The following CALB1 variants were observed in gnomAD, a reference collection of about 807,000 sequenced individuals.
CALB1 encodes the protein calbindin.
A neutral mutation model predicts 46.7 loss-of-function variants in CALB1; 16 were observed. The observed-to-expected ratio is 0.34, with a 90% CI of 0.23 to 0.52. The LOEUF (loss-of-function observed/expected upper bound fraction) is 0.52, where lower values mean the gene tolerates loss of function less well. Among genes scored for constraint, CALB1 ranks in the 20% least tolerant of loss-of-function variants. CALB1 has a pLI of 0.95. For synonymous variants in CALB1, 90 were observed against 112.8 expected, an observed-to-expected ratio of 0.80 and a Z score of 1.28; for missense variants, 224 against 300.3, an observed-to-expected ratio of 0.75 and a Z score of 1.88.
At position 90,082,817 on chromosome 8, in the gene CALB1, G is replaced by T. The variant is rs1278437233; in HGVS notation, c.-120C>A. 3 of 825,184 alleles carry T rather than the reference G, an allele frequency of 3.6e-6. No individual in the cohort carries two copies. Among genetic ancestry groups the T allele is most frequent in the African/African-American group, 3.4e-5 (2 of 59,500 alleles). 51.1% of individuals were successfully genotyped at this position (825,184 alleles called of 1,614,324 possible). On this transcript the variant is annotated 5_prime_UTR_variant, in exon 1 of 11. Coordinates refer to ENST00000265431, the MANE Select transcript of CALB1 (RefSeq NM_004929.4). ...GGGCTGCGGAGGGAGACCTGGGCGC[G>T]GGCGCTGCCGGGCGCTGTCCTCGGT...
intron 3 of CALB1, among the ~76,000 whole-genome samples, chr8:90,070,837 A>AGTGTGTGTGTGTGT (rs35368479): frequency 1.2e-4 from 15 of 121,622 alleles, no homozygotes; most frequent in African/African-American, 4.5e-4. Flanking sequence ...GCATCATTGC[A>AGTGTGTGTGTGTGT]GTGTGTGTGT....
intron 3 of CALB1, among the ~76,000 whole-genome samples, chr8:90,069,860 G>A (rs1387830764): frequency 6.6e-6 from 1 of 152,164 alleles, no homozygotes; most frequent in African/African-American, 2.4e-5. Context: ...GTTGCTTTCT[G>A]CTGAAAGGAC....
Position 90,082,608 on chromosome 8 carries a change from A to G in CALB1, c.79+11T>C. On this transcript the variant is annotated intron_variant, in intron 1 of 10. Transcript: ENST00000265431. ...CGGGTCTTGAAACAGTTAAAAAGAG[A>G]AGATAATCACCGTCAGCGTCGAAAT... is the stretch of plus-strand genomic sequence containing the variant. The G allele has an allele frequency of 6.2e-7, 1 of 1,610,908 alleles. No individual in the cohort carries two copies.
At position 90,060,478 on chromosome 8, in the gene CALB1, T is replaced by A. The variant is rs982719425; in HGVS notation, c.672+151A>T. The A allele has an allele frequency of 5.3e-6, 4 of 752,774 alleles. No homozygotes were observed. The African/African-American group carries it at 7.0e-5, about 13-fold the overall frequency. 46.6% of individuals were successfully genotyped at this position (752,774 alleles called of 1,614,324 possible). On this transcript the variant is annotated intron_variant, in intron 10 of 10. Coordinates refer to ENST00000265431, the MANE Select transcript of CALB1 (RefSeq NM_004929.4). ...ATCTATTTATCACAGTTACCCTGAT[T>A]TAGGCCAGAACCAAATTGAGTTAAG...
chr8:90,062,791 A>T (rs1814327084), intron 9 of CALB1: 1 of 211,760 alleles, frequency 4.7e-6, no homozygotes, highest in Non-Finnish European at 9.4e-6. Context: ...TTAAAAATAG[A>T]ACTGCATATG....
rs757416556 is a variant in CALB1 at position 90,065,988 on chromosome 8, A to G, written c.373-13T>C. 15 of 1,522,128 alleles carry G rather than the reference A, an allele frequency of 9.9e-6. No homozygotes were observed. The highest frequency in any genetic ancestry group is 1.3e-5 in the Non-Finnish European group (14 of 1,097,544). The allele number at this position is 1,522,128 out of a possible 1,614,324, so 94.3% of individuals were successfully genotyped here. A position where few individuals can be genotyped will look rare whatever the true frequency, so the allele number is the denominator to read the frequency against. On this transcript the variant is annotated splice_polypyrimidine_tract_variant and intron_variant, in intron 5 of 10. Transcript: ENST00000265431. ...CCTTTAGAAAGTTCTGTTAAAACAA[A>G]GAACACTTAGATTAATTTCATTAAT...
At chr8:90,061,012 T>G (rs1262798399) in intron 9 of CALB1, 1 of 282,498 alleles carries the variant, frequency 3.5e-6, no homozygotes, top group Non-Finnish European at 6.7e-6. Context: ...GAGGAAGGTA[T>G]GTGGCTCTAT....
At position 90,082,853 on chromosome 8, in the gene CALB1, T is replaced by A; in HGVS notation, c.-156A>T. 1.5e-6 allele frequency: 1 copy of A among 677,838 alleles called. No homozygotes were observed. The highest frequency in any genetic ancestry group is 2.7e-6 in the Non-Finnish European group (1 of 370,676). The allele number at this position is 677,838 out of a possible 1,614,324, so 42.0% of individuals were successfully genotyped here. A position where few individuals can be genotyped will look rare whatever the true frequency, so the allele number is the denominator to read the frequency against. On this transcript the variant is annotated 5_prime_UTR_variant, in exon 1 of 11. Coordinates refer to ENST00000265431, the MANE Select transcript of CALB1 (RefSeq NM_004929.4). ...GGCGCTGTCCTCGGTGCTGCTCAGC[T>A]CAGCGTTCCTCCAGAGTTCTCTCCC...
At position 90,059,650 on chromosome 8, in the gene CALB1, CTG is replaced by C. The variant is rs1814259248; in HGVS notation, c.*521_*522del. 6.5e-6 allele frequency: 1 copy of C among 152,910 alleles called. No individual in the cohort carries two copies. The highest frequency in any genetic ancestry group is 6.5e-5 in the Admixed American group (1 of 15,348). 9.5% of individuals were successfully genotyped at this position (152,910 alleles called of 1,614,324 possible). A position where few individuals can be genotyped will look rare whatever the true frequency, so the allele number is the denominator to read the frequency against. On this transcript the variant is annotated 3_prime_UTR_variant, in exon 11 of 11. Transcript: ENST00000265431. ...TTGGTAAACTAAATCTGTAATGAGA[CTG>C]TTAACTTCATAAAGCCACAATTAAC...
intron 5 of CALB1, among the ~76,000 whole-genome samples, chr8:90,066,519 A>G (rs1356033838): frequency 6.6e-6 from 1 of 152,044 alleles, no homozygotes; most frequent in African/African-American, 2.4e-5. Flanking sequence ...GGTAGTTTTT[A>G]GCCTAATGCA....
rs980216461 is a variant in CALB1 at position 90,059,016 on chromosome 8, G to A, written c.*1157C>T. ...ACAAATATGTGAAACTGACTTAGAT[G>A]TATGTTAAAGAATGTTTTAGAATCT... is the stretch of plus-strand genomic sequence containing the variant. On this transcript the variant is annotated 3_prime_UTR_variant, in exon 11 of 11. Transcript: ENST00000265431. 3 of 152,166 alleles carry A rather than the reference G, an allele frequency of 2.0e-5. No individual in the cohort carries two copies. Among genetic ancestry groups the A allele is most frequent in the African/African-American group, 7.2e-5 (3 of 41,450 alleles). The allele number at this position is 152,166 out of a possible 1,614,324, so 9.4% of individuals were successfully genotyped here.
Position 90,082,088 on chromosome 8 carries a change from C to G in CALB1, c.94G>C (p.Glu32Gln). The G allele has an allele frequency of 6.2e-7, 1 of 1,613,964 alleles. No homozygotes were observed. Among genetic ancestry groups the G allele is most frequent in the East Asian group, 2.2e-5 (1 of 44,874 alleles). Residue 32 changes from glutamate to glutamine, a missense_variant, in exon 2 of 11, where the codon GAA (glutamate) becomes CAA (glutamine). Coordinates refer to ENST00000265431, the MANE Select transcript of CALB1 (RefSeq NM_004929.4). ...ATCAAGTTCTGCAGCTCCTTTCCTT[C>G]CAGGTAACCACTTCCTGCAAAGACA... ...HFDADGSGYL[E>Q]GKELQNLIQE...
chr8:90,069,307 T>C, intron 3 of CALB1, 70 bp from the exon 4 acceptor site: 1 of 1,181,624 alleles, frequency 8.5e-7, no homozygotes, highest in South Asian at 1.2e-5. Context: ...CATTACCTGC[T>C]GCTTAGTTTT....
intron 5 of CALB1, among the ~76,000 whole-genome samples, chr8:90,066,926 A>C (rs374000056): frequency 3.3e-5 from 5 of 152,102 alleles, no homozygotes; most frequent in Non-Finnish European, 7.4e-5. Flanking sequence ...GCAATGACTT[A>C]TCTCTCTCCT....
intron 9 of CALB1, chr8:90,061,693 T>C (rs921213525): frequency 4.6e-5 from 7 of 152,038 alleles, no homozygotes; most frequent in African/African-American, 1.4e-4. Context: ...AAAATACTGA[T>C]GAAAGAAGTT....
At chr8:90,064,810 A>G (rs952070880) in intron 6 of CALB1, among the ~76,000 whole-genome samples, 2 of 151,844 alleles carry the variant, frequency 1.3e-5, no homozygotes, top group Non-Finnish European at 3.0e-5. Context: ...TTTGAAATTA[A>G]AGCTTAGCCC....
chr8:90,069,107 A>G (rs1356503473), intron 4 of CALB1, 47 bp downstream of exon 4: 2 of 1,609,934 alleles, frequency 1.2e-6, no homozygotes, highest in East Asian at 2.2e-5. Flanking sequence ...AAAAGGAACA[A>G]TTTTCCTACT....
chr8:90,074,210 G>C (rs1304779401), intron 3 of CALB1, among the ~76,000 whole-genome samples: 3 of 152,134 alleles, frequency 2.0e-5, no homozygotes, highest in Non-Finnish European at 4.4e-5. Flanking sequence ...TTTGTAGTAA[G>C]TTATTTTTAT....
intron 3 of CALB1, among the ~76,000 whole-genome samples, chr8:90,072,392 ATACAGAT>A (rs1319255151): frequency 6.6e-6 from 1 of 152,244 alleles, no homozygotes; most frequent in Non-Finnish European, 1.5e-5. Flanking sequence ...TTATTAAAAA[ATACAGAT>A]TACATCAATG....
Sources: allele counts gnomAD v4.1 joint callset (sites outside exome capture counted in the v4.1 genomes callset), GRCh38; gene constraint gnomAD v4.1.1; transcripts MANE v1.5; gene names NCBI Gene and HGNC (gene_info 2026-07-23, HGNC 2026-07-21).